Variants in SPATA1 observed in about 807,000 individuals in gnomAD.
SPATA1 encodes spermatogenesis associated 1, also known as spermatogenesis-associated protein 1.
Under a neutral mutation model 59.6 loss-of-function variants are expected in SPATA1, and 57 were observed. The ratio of observed to expected loss-of-function variants is 0.96; its 90% confidence interval spans 0.77 to 1.19. The LOEUF is 1.19. Among genes scored for constraint, SPATA1 ranks in the 50% most tolerant of loss-of-function variants. The pLI is 0.00. For synonymous variants in SPATA1, 147 were observed against 163.9 expected (o/e 0.90, Z 0.79); for missense variants, 448 against 480.7 (o/e 0.93, Z 0.64).
intron 7 of SPATA1, 124 bp downstream of exon 7, chr1:84,533,098 A>G (rs906464317): frequency 1.6e-6 from 1 of 619,552 alleles, no homozygotes; most frequent in Non-Finnish European, 2.7e-6. Context: ...TGATATTTTA[A>G]TTAAAATTAC....
intron 8 of SPATA1, among the ~76,000 whole-genome samples, chr1:84,542,724 G>T (rs1371515336): frequency 6.6e-6 from 1 of 152,066 alleles, no homozygotes; most frequent in Non-Finnish European, 1.5e-5. Flanking sequence ...GCATAAATTT[G>T]GGTGGTTTTA....
At chr1:84,564,982 T>G (rs1044503994) in intron 4 of SPATA1, among the ~76,000 whole-genome samples, 6 of 151,906 alleles carry the variant, frequency 3.9e-5, no homozygotes, top group African/African-American at 1.5e-4. Context: ...GAGGTTACAG[T>G]GGGCTATCAT....
At chr1:84,561,586 T>C (rs949913435) in intron 4 of SPATA1, among the ~76,000 whole-genome samples, 7 of 152,172 alleles carry the variant, frequency 4.6e-5, no homozygotes, top group African/African-American at 1.4e-4. Flanking sequence ...TGCAATCAAA[T>C]AGCATCACGT....
At chr1:84,555,201 T>C, downstream of SPATA1, 2 of 1,600,314 alleles carry the variant, frequency 1.2e-6, no homozygotes, top group South Asian at 2.2e-5. Flanking sequence ...AGCAGGATCC[T>C]ATATAAATAA....
At chr1:84,519,161 G>T (rs1682916745) in intron 2 of SPATA1, among the ~76,000 whole-genome samples, 1 of 151,934 alleles carries the variant, frequency 6.6e-6, no homozygotes, top group Non-Finnish European at 1.5e-5. Flanking sequence ...TTTAAATAGA[G>T]ACAGGATCCA....
Position 84,515,415 on chromosome 1 carries a change from A to G in SPATA1, c.-137-808A>G, listed in dbSNP as rs183922075. ...TTAGTGGTACTTGTTAGGGTTTTGT[A>G]GAGCTGTAATCAGTTCCAGATCAGA... On this transcript the variant is annotated intron_variant, in intron 1 of 12. Coordinates refer to ENST00000490879, the Ensembl canonical transcript of SPATA1. Among the ~76,000 whole-genome samples the G allele has an allele frequency of 7.8e-4, 119 of 152,258 alleles. 2 individuals are homozygous for G. The highest frequency in any genetic ancestry group is 2.7e-3 in the African/African-American group (114 of 41,552).
intron 3 of SPATA1, among the ~76,000 whole-genome samples, chr1:84,521,982 A>T (rs1336535443): frequency 2.6e-5 from 4 of 152,192 alleles, no homozygotes; most frequent in African/African-American, 9.6e-5. Flanking sequence ...TAGATTATTT[A>T]AAAAATTTTT....
chr1:84,538,054 A>G (rs7554311), intron 8 of SPATA1, among the ~76,000 whole-genome samples: 27,734 of 152,160 alleles, frequency 0.18, 4,859 homozygotes, highest in African/African-American at 0.45. Flanking sequence ...CCTCCTGGAC[A>G]AATTGTGGGT....
At chr1:84,517,672 T>C (rs1185974672) in intron 2 of SPATA1, among the ~76,000 whole-genome samples, 2 of 152,072 alleles carry the variant, frequency 1.3e-5, no homozygotes, top group African/African-American at 2.4e-5. Context: ...TACTTGACTC[T>C]TCTTTCAAAC....
intron 6 of SPATA1, among the ~76,000 whole-genome samples, chr1:84,528,386 T>C (rs1683319894): frequency 6.6e-6 from 1 of 152,196 alleles, no homozygotes; most frequent in Non-Finnish European, 1.5e-5. Flanking sequence ...CTTTTTACTC[T>C]ATGATTCTTT....
chr1:84,554,369 ATTC>A (rs1317268013), exon 13 of SPATA1: 9 of 152,228 alleles, frequency 5.9e-5, no homozygotes, highest in Admixed American at 5.9e-4. Flanking sequence ...TTACTGTTAC[ATTC>A]TTCTATTTTG....
chr1:84,525,806 A>C (rs1440803147), intron 5 of SPATA1, 39 bp from the exon 6 acceptor site: 1 of 1,607,134 alleles, frequency 6.2e-7, no homozygotes, highest in Non-Finnish European at 8.5e-7. Context: ...CACTGCTTTT[A>C]ATTGCAAACT....
intron 7 of SPATA1, among the ~76,000 whole-genome samples, 162 bp downstream of exon 7, chr1:84,533,136 CTA>C (rs1246400616): frequency 6.6e-6 from 1 of 151,994 alleles, no homozygotes; most frequent in African/African-American, 2.4e-5. Flanking sequence ...CTGTTTTTTG[CTA>C]ACATTCCTCT....
chr1:84,550,413 T>C lies in SPATA1; in HGVS notation c.1126-19T>C. ...ATGTTTATATGTTATACTAAATAAA[T>C]ATCTATCTATCCACACAGAATTACC... On this transcript the variant is annotated intron_variant, in intron 11 of 12. Transcript: ENST00000490879. 1 of 1,313,888 alleles carries C rather than the reference T, an allele frequency of 7.6e-7. No individual in the cohort carries two copies. Among genetic ancestry groups the C allele is most frequent in the Non-Finnish European group, 1.0e-6 (1 of 968,992 alleles). 81.4% of individuals were successfully genotyped at this position (1,313,888 alleles called of 1,614,324 possible).
chr1:84,565,287 G>A (rs1684669694), intron 4 of SPATA1, among the ~76,000 whole-genome samples: 3 of 151,658 alleles, frequency 2.0e-5, no homozygotes, highest in Admixed American at 2.0e-4. Flanking sequence ...AAACTTTGAA[G>A]AGGATAATGC....
chr1:84,553,193 T>A, exon 13 of SPATA1: 7 of 857,362 alleles, frequency 8.2e-6, no homozygotes, highest in Non-Finnish European at 1.2e-5. Flanking sequence ...TGTTTAACCA[T>A]TATTCTCCTT....
intron 12 of SPATA1, chr1:84,552,979 T>C: frequency 8.7e-7 from 1 of 1,143,848 alleles, no homozygotes; most frequent in South Asian, 1.5e-5. Context: ...ACAACTATGA[T>C]GTACTTTTAG....
At chr1:84,561,835 CT>C (rs1199419640) in intron 4 of SPATA1, among the ~76,000 whole-genome samples, 1 of 152,124 alleles carries the variant, frequency 6.6e-6, no homozygotes, top group African/African-American at 2.4e-5. Context: ...AAGGTATGTA[CT>C]TTTTTTAGAC....
chr1:84,553,010 T>C, intron 12 of SPATA1: 1 of 1,442,318 alleles, frequency 6.9e-7, no homozygotes, highest in Non-Finnish European at 9.4e-7. Flanking sequence ...TGAAGTTCAT[T>C]TTTGAAAAGT....
Sources: gnomAD v4.1 joint callset for allele counts (sites outside exome capture counted in the v4.1 genomes callset) on GRCh38, gnomAD v4.1.1 for gene constraint, MANE v1.5 for transcripts, NCBI Gene and HGNC (gene_info 2026-07-23, HGNC 2026-07-21) for gene names.